FLT3: variants seen among roughly 807,000 people sequenced by gnomAD.
FLT3 encodes receptor-type tyrosine-protein kinase FLT3.
FLT3 carries 46 observed loss-of-function variants against 126.6 expected under a neutral mutation model. The ratio of observed to expected loss-of-function variants is 0.36; its 90% CI spans 0.29 to 0.46. FLT3 has a LOEUF of 0.46. Ranked by LOEUF, FLT3 falls within the 20% of genes least tolerant of loss-of-function variation. The probability of loss-of-function intolerance (pLI) is 1.00; values close to 1 mark genes in which losing one functional copy is unlikely to be tolerated. For missense variants in FLT3, 1,069 were observed against 1,190.3 expected (o/e 0.90, Z 1.50); for synonymous variants, 404 against 434.4 (o/e 0.93, Z 0.87).
At chr13:28,059,238 C>T (rs1029873136) in intron 3 of FLT3, among the ~76,000 whole-genome samples, 1 of 152,160 alleles carries the variant, frequency 6.6e-6, no homozygotes, top group Non-Finnish European at 1.5e-5. Context: ...TATCAAGGGG[C>T]CCGATACCCC....
chr13:28,021,531 T>A (rs1231292098), intron 19 of FLT3, among the ~76,000 whole-genome samples: 1 of 152,098 alleles, frequency 6.6e-6, no homozygotes, highest in Non-Finnish European at 1.5e-5. Flanking sequence ...TGCCTCGCAG[T>A]TCAGAGGTGT....
At chr13:28,043,907 T>C (rs7329518) in intron 9 of FLT3, among the ~76,000 whole-genome samples, 5,775 of 151,560 alleles carry the variant, frequency 0.038, 365 homozygotes, top group African/African-American at 0.13. Context: ...GTCAGGAGTT[T>C]GAGACCAGCC....
intron 9 of FLT3, among the ~76,000 whole-genome samples, chr13:28,044,798 A>G (rs1336039135): frequency 6.6e-6 from 1 of 152,194 alleles, no homozygotes; most frequent in African/African-American, 2.4e-5. Flanking sequence ...GCTAAGAACC[A>G]TGTGCATGGT....
intron 17 of FLT3, chr13:28,025,158 T>C: frequency 1.8e-6 from 1 of 556,858 alleles, no homozygotes; most frequent in Non-Finnish European, 3.2e-6. Context: ...GTTTTCCATA[T>C]AGAATCTTAC....
chr13:28,029,833 T>G (rs991395326), intron 15 of FLT3, among the ~76,000 whole-genome samples: 1 of 152,246 alleles, frequency 6.6e-6, no homozygotes, highest in African/African-American at 2.4e-5. Flanking sequence ...ATTCTCTCTC[T>G]AGGGAAAATT....
chr13:28,064,300 G>C (rs943260928), intron 2 of FLT3, among the ~76,000 whole-genome samples: 1 of 151,358 alleles, frequency 6.6e-6, no homozygotes, highest in Admixed American at 6.6e-5. Flanking sequence ...CTCAGCCAGG[G>C]GCGATGGCTC....
rs149960920 is a variant in FLT3, at chr13:28,073,897, G to A, written c.44-3285C>T. Among the ~76,000 whole-genome samples, 627 of 143,708 alleles carry A rather than the reference G, an allele frequency of 4.4e-3. 4 individuals carry two copies. Among genetic ancestry groups the A allele is most frequent in the Middle Eastern group, 0.034 (9 of 264 alleles). The allele number at this position is 143,708 out of a possible 152,430, so 94.3% of individuals were successfully genotyped here. The stretch of plus-strand genomic sequence containing the variant: ...TGAAGCTGCAATGAGCTATGATCAC[G>A]CCTCTGCACTCCAGCCTGGGCAAAA... On this transcript the variant is annotated intron_variant, in intron 1 of 23. Coordinates refer to ENST00000241453, the MANE Select transcript of FLT3 (RefSeq NM_004119.3).
At chr13:28,028,112 C>T in intron 16 of FLT3, 66 bp downstream of exon 16, 1 of 763,000 alleles carries the variant, frequency 1.3e-6, no homozygotes, top group Non-Finnish European at 2.3e-6. Context: ...AGAGAGAGAG[C>T]AAACATCCTC....
rs1879029256 is a variant in FLT3 at position 28,091,246 on chromosome 13, G to C, written c.43+9222C>G. 5.9e-5 allele frequency among the ~76,000 whole-genome samples: 5 copies of C among 84,508 alleles called. No individual in the cohort carries two copies. The Admixed American group carries it at 7.6e-4, about 13-fold the overall frequency. The allele number at this position is 84,508 out of a possible 152,430, so 55.4% of individuals were successfully genotyped here. ...TTTTTTTTTTTTTTTTTTTGAGACG[G>C]AGTCTCGCTCTGTCGCCCAGGCTGG... On this transcript the variant is annotated intron_variant, in intron 1 of 23. Coordinates refer to ENST00000241453, the MANE Select transcript of FLT3 (RefSeq NM_004119.3).
intron 1 of FLT3, among the ~76,000 whole-genome samples, chr13:28,099,533 G>A (rs1879683488): frequency 6.6e-6 from 1 of 152,146 alleles, no homozygotes; most frequent in Non-Finnish European, 1.5e-5. Flanking sequence ...AGCTGAAGGG[G>A]ACTCGGACGG....
At chr13:28,065,020 T>C (rs1876892528) in intron 2 of FLT3, among the ~76,000 whole-genome samples, 1 of 152,282 alleles carries the variant, frequency 6.6e-6, no homozygotes, top group Admixed American at 6.5e-5. Flanking sequence ...AGACAACCTC[T>C]AAGAACTGAT....
rs764027375 is a variant in FLT3, at chr13:28,015,211, T to C, written c.2699A>G (p.Lys900Arg). The change falls in exon 22 of 24, where the codon AAA (lysine) becomes AGA (arginine). Residue 900 changes from lysine to arginine, a missense_variant. By Grantham distance (26) the Lys-to-Arg change is conservative. Coordinates refer to ENST00000241453, the MANE Select transcript of FLT3 (RefSeq NM_004119.3). ...CATTTTAAATCCATTTTGAATCAGTTTGTAGAAGTTAGCATCAACCGGAAT... is the reference window on the plus strand; with the variant it reads ...CATTTTAAATCCATTTTGAATCAGTCTGTAGAAGTTAGCATCAACCGGAAT... ...PGIPVDANFY[K>R]LIQNGFKMDQ... 1.2e-6 allele frequency: 2 copies of C among 1,612,792 alleles called. No individual in the cohort carries two copies. The highest frequency in any genetic ancestry group is 1.7e-6 in the Non-Finnish European group (2 of 1,178,954).
intron 4 of FLT3, among the ~76,000 whole-genome samples, chr13:28,053,397 G>GAGATATATATATATATAT (rs1875719969): frequency 7.4e-6 from 1 of 134,882 alleles, no homozygotes; most frequent in Non-Finnish European, 1.5e-5. Context: ...TGTACTGTTT[G>GAGATATATATATATATAT]ATATATATAT....
intron 4 of FLT3, among the ~76,000 whole-genome samples, chr13:28,054,233 A>T (rs1383288412): frequency 2.0e-5 from 3 of 152,170 alleles, no homozygotes; most frequent in African/African-American, 7.2e-5. Flanking sequence ...TGCTTTATAG[A>T]CTTACCAAGA....
chr13:28,030,829 AGGACTTGAAGCTTGCC>A (rs2137663347), intron 15 of FLT3, among the ~76,000 whole-genome samples: 1 of 152,342 alleles, frequency 6.6e-6, no homozygotes, highest in Admixed American at 6.5e-5. Flanking sequence ...ACTTGAGCCC[AGGACTTGAAGCTTGCC>A]GTGAGCTATG....
chr13:28,062,098 C>T (rs763575237), intron 2 of FLT3, 29 bp from the exon 3 acceptor site: 1 of 1,571,646 alleles, frequency 6.4e-7, no homozygotes, highest in Non-Finnish European at 8.7e-7. Flanking sequence ...AAAGTGAATT[C>T]ATGAAAACTG....
chr13:28,018,726 G>C, intron 19 of FLT3, 137 bp from the exon 20 acceptor site: 2 of 856,418 alleles, frequency 2.3e-6, no homozygotes, highest in South Asian at 3.5e-5. Flanking sequence ...TGCCGTGAGC[G>C]GCCATGATGA....
chr13:28,057,320 G>A (rs752414720), intron 4 of FLT3, 27 bp downstream of exon 4: 9 of 968,328 alleles, frequency 9.3e-6, no homozygotes, highest in Non-Finnish European at 1.4e-5. Flanking sequence ...ATTCCAGGCT[G>A]GAATACTAGT....
Position 28,049,641 on chromosome 13 carries a change from G to A in FLT3, c.876C>T (p.Leu292=), listed in dbSNP as rs201609515. 2.6e-5 allele frequency: 42 copies of A among 1,613,834 alleles called. No individual in the cohort carries two copies. The highest frequency in any genetic ancestry group is 5.3e-5 in the African/African-American group (4 of 74,854). Residue 292 remains leucine, a synonymous_variant, in exon 7 of 24, where the codon CTC becomes CTT. Coordinates refer to ENST00000241453, the MANE Select transcript of FLT3 (RefSeq NM_004119.3). The stretch of plus-strand genomic sequence containing the variant: ...TACAAACTTGTCCTATTACCTCCTC[G>A]AGTGCTTTGTTTTCTAATTCCCAGG... ...GLTWELENKA[L]EEGNYFEMST...
Sources: gnomAD v4.1 joint callset for allele counts (sites outside exome capture counted in the v4.1 genomes callset) on GRCh38, gnomAD v4.1.1 for gene constraint, MANE v1.5 for transcripts, NCBI Gene and HGNC (gene_info 2026-07-23, HGNC 2026-07-21) for gene names.